The following LRRC4C variants were observed in gnomAD, a reference collection of about 807,000 sequenced individuals.
LRRC4C encodes the protein leucine rich repeat containing 4C.
LRRC4C carries 5 observed loss-of-function variants against 33.6 expected under a neutral mutation model. The observed-to-expected ratio is 0.15, with a 90% CI of 0.08 to 0.31. The LOEUF (loss-of-function observed/expected upper bound fraction) is 0.31. Among genes scored for constraint, LRRC4C ranks in the 10% least tolerant of loss-of-function variants. The pLI, the probability that LRRC4C is intolerant of heterozygous loss-of-function variation, is 1.00. For synonymous variants in LRRC4C, 329 were observed against 302.0 expected, an observed-to-expected ratio of 1.09 and a Z score of -0.93; for missense variants, 560 against 796.7, an observed-to-expected ratio of 0.70 and a Z score of 3.58.
chr11:40,235,260 C>T (rs1276417368), intron 5 of LRRC4C, among the ~76,000 whole-genome samples: 4 of 152,172 alleles, frequency 2.6e-5, no homozygotes, highest in Non-Finnish European at 5.9e-5. Context: ...CAAAAATATG[C>T]TTGTAAAACA....
intron 5 of LRRC4C, among the ~76,000 whole-genome samples, chr11:40,219,362 CT>C (rs1414325222): frequency 6.6e-6 from 1 of 152,088 alleles, no homozygotes; most frequent in African/African-American, 2.4e-5. Flanking sequence ...TGTTTGTTTT[CT>C]TTAATATATC....
intron 1 of LRRC4C, among the ~76,000 whole-genome samples, chr11:41,032,051 G>A (rs968171678): frequency 6.6e-6 from 1 of 152,002 alleles, no homozygotes; most frequent in South Asian, 2.1e-4. Flanking sequence ...GGGGCTCAAG[G>A]AAGGAAACCA....
intron 1 of LRRC4C, among the ~76,000 whole-genome samples, chr11:41,105,882 T>G (rs11036234): frequency 0.079 from 12,031 of 152,202 alleles, 593 homozygotes; most frequent in East Asian, 0.19. Flanking sequence ...AATAAAGGAC[T>G]TTTCTAAACA....
At chr11:40,715,000 C>A (rs1386341703) in intron 2 of LRRC4C, among the ~76,000 whole-genome samples, 1 of 152,140 alleles carries the variant, frequency 6.6e-6, no homozygotes, top group Non-Finnish European at 1.5e-5. Flanking sequence ...AGAATACCTG[C>A]TGACTACGGG....
chr11:40,565,114 T>C (rs1957702620), intron 3 of LRRC4C, among the ~76,000 whole-genome samples: 1 of 152,170 alleles, frequency 6.6e-6, no homozygotes, highest in Admixed American at 6.5e-5. Context: ...GCTCTGAAAT[T>C]AAACTGCAGT....
At chr11:40,463,046 A>G (rs567792257) in intron 3 of LRRC4C, among the ~76,000 whole-genome samples, 3 of 152,242 alleles carry the variant, frequency 2.0e-5, no homozygotes, top group East Asian at 1.9e-4. Context: ...GCTGGCTTCA[A>G]TTAGCTCTGT....
chr11:41,459,322 A>G (rs755250544), intron 1 of LRRC4C, 109 bp downstream of exon 1: 1 of 152,070 alleles, frequency 6.6e-6, no homozygotes, highest in African/African-American at 2.4e-5. Flanking sequence ...GAGCATTCCA[A>G]TCTCTAAAAA....
At chr11:40,588,755 A>G (rs1269830223) in intron 3 of LRRC4C, among the ~76,000 whole-genome samples, 1 of 152,182 alleles carries the variant, frequency 6.6e-6, no homozygotes, top group Non-Finnish European at 1.5e-5. Flanking sequence ...GTTCAGGAGC[A>G]GGTTGTTCAG....
intron 5 of LRRC4C, among the ~76,000 whole-genome samples, chr11:40,160,737 A>C (rs771345275): frequency 1.3e-5 from 2 of 152,200 alleles, no homozygotes; most frequent in African/African-American, 4.8e-5. Flanking sequence ...TGTCTGCCAG[A>C]TCCAAAGATT....
At chr11:40,649,992 T>A (rs1184561451) in intron 2 of LRRC4C, among the ~76,000 whole-genome samples, 1 of 152,216 alleles carries the variant, frequency 6.6e-6, no homozygotes, top group Non-Finnish European at 1.5e-5. Flanking sequence ...GGGAAGACCA[T>A]TGATTATTGC....
At chr11:40,558,525 A>G (rs1957417604) in intron 3 of LRRC4C, among the ~76,000 whole-genome samples, 1 of 152,178 alleles carries the variant, frequency 6.6e-6, no homozygotes. Flanking sequence ...CTCATTAAGG[A>G]AAACTTCTAC....
intron 2 of LRRC4C, among the ~76,000 whole-genome samples, chr11:40,861,757 G>A (rs1298877605): frequency 6.6e-6 from 1 of 152,196 alleles, no homozygotes; most frequent in African/African-American, 2.4e-5. Context: ...GATGCATGGT[G>A]CCAACATCTG....
At chr11:40,546,515 T>C (rs1956931508) in intron 3 of LRRC4C, among the ~76,000 whole-genome samples, 1 of 152,064 alleles carries the variant, frequency 6.6e-6, no homozygotes, top group Non-Finnish European at 1.5e-5. Context: ...ACCCTATGGA[T>C]GTTGGATTTT....
At chr11:40,646,796 T>C (rs1023385275) in intron 3 of LRRC4C, among the ~76,000 whole-genome samples, 3 of 152,126 alleles carry the variant, frequency 2.0e-5, no homozygotes, top group Non-Finnish European at 2.9e-5. Flanking sequence ...TCAGTAGAGA[T>C]GAGGTTTCAC....
rs115383708 is a variant in LRRC4C at position 40,890,120 on chromosome 11, T to C, written c.-407+43515A>G. 2.0e-3 allele frequency among the ~76,000 whole-genome samples: 310 copies of C among 152,344 alleles called. 1 individual carries two copies. The highest frequency in any genetic ancestry group is 7.0e-3 in the African/African-American group (291 of 41,590). ...TAGTCACATTTATTAAGATGGAGAATTGACATTTGTGTCATAATGAGATAA... is the reference window on the plus strand; with the variant it reads ...TAGTCACATTTATTAAGATGGAGAACTGACATTTGTGTCATAATGAGATAA... On this transcript the variant is annotated intron_variant, in intron 2 of 6. Coordinates refer to ENST00000528697, the MANE Select transcript of LRRC4C (RefSeq NM_001258419.2).
intron 3 of LRRC4C, among the ~76,000 whole-genome samples, chr11:40,331,249 C>G (rs1946350151): frequency 6.6e-6 from 1 of 152,108 alleles, no homozygotes; most frequent in African/African-American, 2.4e-5. Context: ...AAATAGAACT[C>G]CCATATGGTC....
chr11:40,606,769 T>C (rs1204331087), intron 3 of LRRC4C, among the ~76,000 whole-genome samples: 1 of 151,722 alleles, frequency 6.6e-6, no homozygotes, highest in East Asian at 1.9e-4. Context: ...GAAGAGGGAA[T>C]GAAAGGAGGA....
rs375121228 is a variant in LRRC4C at position 40,117,867 on chromosome 11, A to G, written c.-42-1533T>C. 6.2e-4 allele frequency among the ~76,000 whole-genome samples: 94 copies of G among 152,078 alleles called. 3 individuals are homozygous for G. In the South Asian group the frequency reaches 0.018, roughly 29 times the overall value. ...AATGAAGATATTAATATTATATATC[A>G]CATAGGGTTGTTGTGAGGATAAAAT... On this transcript the variant is annotated intron_variant, in intron 6 of 6. Coordinates refer to ENST00000528697, the MANE Select transcript of LRRC4C (RefSeq NM_001258419.2).
At chr11:41,155,256 C>A (rs1944176113) in intron 1 of LRRC4C, among the ~76,000 whole-genome samples, 1 of 151,998 alleles carries the variant, frequency 6.6e-6, no homozygotes, top group Non-Finnish European at 1.5e-5. Flanking sequence ...GCAGTCATAG[C>A]CCCAGAATTT....
Sources: allele counts gnomAD v4.1 joint callset (sites outside exome capture counted in the v4.1 genomes callset), GRCh38; gene constraint gnomAD v4.1.1; transcripts MANE v1.5; gene names NCBI Gene and HGNC (gene_info 2026-07-23, HGNC 2026-07-21).